Variants in MARCHF1 observed in about 807,000 individuals in gnomAD.
MARCHF1 encodes the protein E3 ubiquitin-protein ligase MARCHF1.
Under a neutral mutation model 54.2 loss-of-function variants are expected in MARCHF1, and 40 were observed. That is an observed-to-expected ratio of 0.74 (90% CI 0.57 to 0.96). The LOEUF (loss-of-function observed/expected upper bound fraction) is 0.96. Ranked by LOEUF, MARCHF1 falls within the 40% of genes least tolerant of loss-of-function variation. MARCHF1 has a pLI of 0.00. For synonymous variants in MARCHF1, 236 were observed against 236.3 expected, an observed-to-expected ratio of 1.00 and a Z score of 0.01; for missense variants, 586 against 656.5, an observed-to-expected ratio of 0.89 and a Z score of 1.17.
At chr4:163,894,613 A>G (rs1320766506) in intron 3 of MARCHF1, among the ~76,000 whole-genome samples, 23 of 141,362 alleles carry the variant, frequency 1.6e-4, no homozygotes, top group Non-Finnish European at 3.1e-4. Flanking sequence ...ATGCATATAT[A>G]TATATGCATG....
intron 8 of MARCHF1, among the ~76,000 whole-genome samples, chr4:163,580,641 A>C (rs1740197929): frequency 6.6e-6 from 1 of 152,220 alleles, no homozygotes; most frequent in African/African-American, 2.4e-5. Flanking sequence ...TCAGCCTGAA[A>C]AATAATTGGT....
chr4:163,690,362 A>G (rs1426199611), intron 5 of MARCHF1, among the ~76,000 whole-genome samples: 1 of 152,198 alleles, frequency 6.6e-6, no homozygotes, highest in Non-Finnish European at 1.5e-5. Flanking sequence ...TGTCTGTTAC[A>G]GTGCTGGAGG....
chr4:164,130,455 T>C (rs1756277760), intron 1 of MARCHF1, among the ~76,000 whole-genome samples: 1 of 152,144 alleles, frequency 6.6e-6, no homozygotes, highest in Non-Finnish European at 1.5e-5. Flanking sequence ...TTCTAACAAT[T>C]TCATTTCATT....
chr4:164,144,303 G>C (rs1729605093), intron 1 of MARCHF1, among the ~76,000 whole-genome samples: 1 of 151,762 alleles, frequency 6.6e-6, no homozygotes. Flanking sequence ...ATTGAACTCA[G>C]CTCTGCACCA....
chr4:164,319,144 G>A (rs1182871200), intron 1 of MARCHF1, among the ~76,000 whole-genome samples: 1 of 152,124 alleles, frequency 6.6e-6, no homozygotes, highest in African/African-American at 2.4e-5. Context: ...GGTTGTGCCT[G>A]TATTGAACAT....
chr4:164,132,663 A>G (rs1050525837), intron 1 of MARCHF1, among the ~76,000 whole-genome samples: 4 of 152,160 alleles, frequency 2.6e-5, no homozygotes, highest in Admixed American at 2.0e-4. Flanking sequence ...GACCATCGAC[A>G]TAATGGCTTT....
intron 1 of MARCHF1, among the ~76,000 whole-genome samples, chr4:164,274,708 G>A (rs1422580472): frequency 9.9e-6 from 1 of 100,982 alleles, no homozygotes; most frequent in East Asian, 2.9e-4. Context: ...ACGGAGTCTC[G>A]CTCTGTCTCC....
intron 6 of MARCHF1, 120 bp downstream of exon 6, chr4:163,613,194 T>C: frequency 1.2e-5 from 16 of 1,281,904 alleles, no homozygotes; most frequent in Non-Finnish European, 1.7e-5. Context: ...AAATAGCCAG[T>C]ATAAATTTTC....
At chr4:164,104,039 C>G (rs2111165172) in intron 2 of MARCHF1, among the ~76,000 whole-genome samples, 1 of 151,704 alleles carries the variant, frequency 6.6e-6, no homozygotes, top group Non-Finnish European at 1.5e-5. Flanking sequence ...TTCCTGGACA[C>G]ATGCACTCTC....
At chr4:164,073,626 T>A (rs555563091) in intron 2 of MARCHF1, among the ~76,000 whole-genome samples, 27 of 151,800 alleles carry the variant, frequency 1.8e-4, no homozygotes, top group South Asian at 4.2e-4. Context: ...CCCCAGAACT[T>A]AAAGTTTAAT....
At chr4:163,737,706 G>C (rs1463862185) in intron 4 of MARCHF1, among the ~76,000 whole-genome samples, 1 of 123,138 alleles carries the variant, frequency 8.1e-6, no homozygotes, top group Admixed American at 8.2e-5. Context: ...AAACCACTAT[G>C]AGATATCATC....
At chr4:163,968,758 C>T (rs544117750) in intron 3 of MARCHF1, among the ~76,000 whole-genome samples, 12 of 152,256 alleles carry the variant, frequency 7.9e-5, no homozygotes, top group African/African-American at 2.9e-4. Context: ...TTCCTCACTC[C>T]TCTTCCATCT....
chr4:164,090,416 T>C (rs1755273671), intron 2 of MARCHF1, among the ~76,000 whole-genome samples: 1 of 152,102 alleles, frequency 6.6e-6, no homozygotes, highest in South Asian at 2.1e-4. Flanking sequence ...TTTATTGTAT[T>C]TGTGATGATT....
chr4:163,672,686 CACAA>C (rs1343338040), intron 5 of MARCHF1, among the ~76,000 whole-genome samples: 1 of 152,034 alleles, frequency 6.6e-6, no homozygotes, highest in Non-Finnish European at 1.5e-5. Context: ...CACAAATTAC[CACAA>C]ACATAGTGGC....
rs1022954817 is a variant in MARCHF1, at chr4:163,870,828, C to A, written c.-38-16659G>T. 4.6e-5 allele frequency among the ~76,000 whole-genome samples: 7 copies of A among 152,114 alleles called. 1 individual carries two copies. The highest frequency in any genetic ancestry group is 3.9e-4 in the Admixed American group (6 of 15,276). On this transcript the variant is annotated intron_variant, in intron 3 of 9. Coordinates refer to ENST00000514618, the MANE Select transcript of MARCHF1 (RefSeq NM_001394959.1). ...AGAGTAGAATAGTGGTTGCCAGAGG[C>A]AGGGAAGTGTGGAGGGAAGAGCATT...
chr4:163,932,629 A>G (rs1053840052), intron 3 of MARCHF1: 3 of 444,730 alleles, frequency 6.7e-6, no homozygotes, highest in African/African-American at 6.1e-5. Flanking sequence ...GAGCTGTCCT[A>G]TGAGGAGTGC....
At chr4:164,257,913 A>C (rs1167998646) in intron 1 of MARCHF1, among the ~76,000 whole-genome samples, 1 of 152,202 alleles carries the variant, frequency 6.6e-6, no homozygotes, top group East Asian at 1.9e-4. Flanking sequence ...TATATACCCA[A>C]AGGAATATAA....
chr4:164,170,095 C>T (rs116100284), intron 1 of MARCHF1, among the ~76,000 whole-genome samples: 161 of 152,018 alleles, frequency 1.1e-3, no homozygotes, highest in African/African-American at 3.8e-3. Context: ...TACAGGGAAA[C>T]CACCAAAAAG....
chr4:164,299,423 G>T (rs140766195), intron 1 of MARCHF1, among the ~76,000 whole-genome samples: 543 of 152,282 alleles, frequency 3.6e-3, no homozygotes, highest in Non-Finnish European at 7.0e-3. Flanking sequence ...AGGCCTTTAA[G>T]AATAAGATGG....
Sources: allele counts gnomAD v4.1 joint callset (sites outside exome capture counted in the v4.1 genomes callset), GRCh38; gene constraint gnomAD v4.1.1; transcripts MANE v1.5; gene names NCBI Gene and HGNC (gene_info 2026-07-23, HGNC 2026-07-21).